PCNX1: variants seen among roughly 807,000 people sequenced by gnomAD.
PCNX1 encodes pecanex-like protein 1.
In PCNX1, 78 loss-of-function variants were observed where a neutral mutation model predicts 242.2. That is an observed-to-expected ratio of 0.32 (90% confidence interval 0.27 to 0.39). The LOEUF (loss-of-function observed/expected upper bound fraction) is 0.39, where lower values mean the gene tolerates loss of function less well. Among genes scored for constraint, PCNX1 ranks in the 10% least tolerant of loss-of-function variants. PCNX1 has a pLI of 1.00. For synonymous variants in PCNX1, 1,024 were observed against 1,032.9 expected, an observed-to-expected ratio of 0.99 and a Z score of 0.17; for missense variants, 2,581 against 2,856.5, an observed-to-expected ratio of 0.90 and a Z score of 2.20.
At chr14:71,087,888 T>C (rs1206119612) in intron 28 of PCNX1, among the ~76,000 whole-genome samples, 1 of 152,130 alleles carries the variant, frequency 6.6e-6, no homozygotes, top group Admixed American at 6.6e-5. Context: ...TTTCACTATG[T>C]TTATAGTCAC....
rs560067748 is a variant in PCNX1 at position 70,940,818 on chromosome 14, GTTCTT to G, written c.154-6089_154-6085del. The stretch of plus-strand genomic sequence containing the variant: ...TAGTCCCATATTTCTTGGAGGTTTT[GTTCTT>G]TTCTTTTTACTCTTTTTTCTCTAAA... On this transcript the variant is annotated intron_variant, in intron 1 of 35. Coordinates refer to ENST00000304743, the MANE Select transcript of PCNX1 (RefSeq NM_014982.3). 3.1e-3 allele frequency among the ~76,000 whole-genome samples: 468 copies of G among 152,246 alleles called. 4 individuals carry two copies. The highest frequency in any genetic ancestry group is 0.011 in the African/African-American group (448 of 41,546).
At chr14:70,968,051 G>T (rs2058434237) in intron 3 of PCNX1, 147 bp from the exon 4 acceptor site, 1 of 664,200 alleles carries the variant, frequency 1.5e-6, no homozygotes, top group Non-Finnish European at 2.6e-6. Context: ...AATAGAGCTT[G>T]TCCAACAAGT....
At chr14:70,928,129 G>T (rs1594918430) in intron 1 of PCNX1, among the ~76,000 whole-genome samples, 6 of 151,974 alleles carry the variant, frequency 3.9e-5, no homozygotes, top group Admixed American at 3.9e-4. Flanking sequence ...ATTATTTTGT[G>T]CTTGCTTATT....
At chr14:71,016,967 T>TAA (rs370310394) in intron 11 of PCNX1, among the ~76,000 whole-genome samples, 529 of 152,194 alleles carry the variant, frequency 3.5e-3, no homozygotes, top group African/African-American at 0.012. Context: ...AGCTAAAGGC[T>TAA]AAACCTTTAG....
intron 18 of PCNX1, among the ~76,000 whole-genome samples, chr14:71,035,552 G>A (rs959743018): frequency 1.3e-5 from 2 of 151,180 alleles, no homozygotes; most frequent in African/African-American, 4.9e-5. Context: ...TTGAGGTCAG[G>A]AGTTCGAGAT....
chr14:70,908,112 C>G, intron 1 of PCNX1, 109 bp downstream of exon 1: 1 of 1,076,910 alleles, frequency 9.3e-7, no homozygotes. Context: ...CGGGGGCCGC[C>G]ACCCTCTCGG....
At chr14:70,998,362 CAG>C (rs1399774685) in intron 8 of PCNX1, among the ~76,000 whole-genome samples, 1 of 151,958 alleles carries the variant, frequency 6.6e-6, no homozygotes, top group Non-Finnish European at 1.5e-5. Context: ...GCTTATTAAA[CAG>C]AGGAAAAAGT....
chr14:70,988,178 T>G (rs557410089), intron 6 of PCNX1, among the ~76,000 whole-genome samples: 1 of 152,166 alleles, frequency 6.6e-6, no homozygotes, highest in Non-Finnish European at 1.5e-5. Flanking sequence ...CCTCTTCCCA[T>G]TAGTGGAAAC....
At chr14:71,069,250 A>G (rs2061531646) in intron 26 of PCNX1, among the ~76,000 whole-genome samples, 2 of 152,196 alleles carry the variant, frequency 1.3e-5, no homozygotes, top group Non-Finnish European at 2.9e-5. Context: ...GGGAGCTACA[A>G]TTCAAGATCA....
intron 15 of PCNX1, 68 bp from the exon 16 acceptor site, chr14:71,028,632 C>A: frequency 1.1e-6 from 1 of 879,852 alleles, no homozygotes; most frequent in Non-Finnish European, 1.8e-6. Flanking sequence ...AAATGCTTTT[C>A]AGTGACCTTT....
At chr14:70,982,240 C>T (rs1165050997) in intron 6 of PCNX1, among the ~76,000 whole-genome samples, 2 of 152,112 alleles carry the variant, frequency 1.3e-5, no homozygotes, top group Non-Finnish European at 2.9e-5. Context: ...AATAGAAGGA[C>T]TCTCAAGTCT....
intron 26 of PCNX1, among the ~76,000 whole-genome samples, chr14:71,059,161 C>T (rs2061260298): frequency 1.3e-5 from 2 of 152,162 alleles, no homozygotes; most frequent in South Asian, 2.1e-4. Flanking sequence ...CATCTGCTCA[C>T]TCCATCATAT....
chr14:71,079,725 T>C (rs563522094), intron 28 of PCNX1, among the ~76,000 whole-genome samples: 231 of 150,212 alleles, frequency 1.5e-3, no homozygotes, highest in Non-Finnish European at 2.3e-3. Flanking sequence ...TTGGATCGGG[T>C]TTTTTTTTCT....
At chr14:71,022,332 G>A (rs1369816479) in intron 12 of PCNX1, among the ~76,000 whole-genome samples, 2 of 152,140 alleles carry the variant, frequency 1.3e-5, no homozygotes, top group Admixed American at 6.6e-5. Context: ...GTTAAATATG[G>A]AAAAGGTAAA....
At chr14:71,025,643 C>T (rs1311579946) in intron 13 of PCNX1, among the ~76,000 whole-genome samples, 2 of 151,898 alleles carry the variant, frequency 1.3e-5, no homozygotes, top group African/African-American at 4.8e-5. Context: ...TGTGGGAGCC[C>T]AATGTGGGCA....
intron 26 of PCNX1, among the ~76,000 whole-genome samples, chr14:71,060,243 A>G (rs1445126420): frequency 6.6e-5 from 10 of 152,168 alleles, no homozygotes; most frequent in Non-Finnish European, 1.5e-4. Flanking sequence ...GTATAAACAA[A>G]ACTATGCTAC....
intron 26 of PCNX1, 137 bp downstream of exon 26, chr14:71,057,861 A>G (rs1290025988): frequency 1.5e-6 from 1 of 675,870 alleles, no homozygotes; most frequent in African/African-American, 1.8e-5. Flanking sequence ...GTTAAAGAGT[A>G]AGTATTAGAT....
intron 26 of PCNX1, among the ~76,000 whole-genome samples, chr14:71,065,087 A>G (rs191223960): frequency 1.1e-3 from 167 of 152,332 alleles, no homozygotes; most frequent in African/African-American, 3.9e-3. Context: ...ATACATGTGC[A>G]TGTGTCTTTA....
intron 28 of PCNX1, among the ~76,000 whole-genome samples, chr14:71,083,543 C>A (rs1411056354): frequency 6.6e-6 from 1 of 151,904 alleles, no homozygotes; most frequent in Non-Finnish European, 1.5e-5. Context: ...AGGCTTTGTT[C>A]GTTCCTTTTC....
Sources: allele counts gnomAD v4.1 joint callset (sites outside exome capture counted in the v4.1 genomes callset), GRCh38; gene constraint gnomAD v4.1.1; transcripts MANE v1.5; gene names NCBI Gene and HGNC (gene_info 2026-07-23, HGNC 2026-07-21).